The following KCND2 variants were observed in gnomAD, a reference collection of about 807,000 sequenced individuals.
The protein encoded by KCND2 is potassium voltage-gated channel subfamily D member 2.
In KCND2, 16 loss-of-function variants were observed where a neutral mutation model predicts 54.4. The ratio of observed to expected loss-of-function variants is 0.29; its 90% confidence interval spans 0.20 to 0.45. KCND2 has a LOEUF of 0.45. KCND2 is among the 20% of genes least tolerant of loss of function. The probability of loss-of-function intolerance (pLI) is 1.00; values close to 1 mark genes in which losing one functional copy is unlikely to be tolerated. For synonymous variants in KCND2, 317 were observed against 310.7 expected, an observed-to-expected ratio of 1.02 and a Z score of -0.21; for missense variants, 486 against 824.2, an observed-to-expected ratio of 0.59 and a Z score of 5.02.
intron 1 of KCND2, among the ~76,000 whole-genome samples, chr7:120,302,627 T>A (rs867847037): frequency 7.2e-5 from 11 of 152,328 alleles, no homozygotes; most frequent in Middle Eastern, 3.4e-3. Context: ...AACGATGTTT[T>A]ATATATGGTT....
intron 1 of KCND2, among the ~76,000 whole-genome samples, chr7:120,610,133 A>G (rs1374692022): frequency 6.6e-6 from 1 of 152,126 alleles, no homozygotes; most frequent in Non-Finnish European, 1.5e-5. Flanking sequence ...ATGCGTGACT[A>G]AACTATAGAA....
chr7:120,517,033 T>C (rs563572164), intron 1 of KCND2, among the ~76,000 whole-genome samples: 2 of 152,290 alleles, frequency 1.3e-5, no homozygotes, highest in African/African-American at 4.8e-5. Context: ...AATAATTTTA[T>C]GTTCAGCATG....
At chr7:120,574,677 C>T (rs1373044334) in intron 1 of KCND2, among the ~76,000 whole-genome samples, 2 of 151,964 alleles carry the variant, frequency 1.3e-5, no homozygotes, top group East Asian at 1.9e-4. Context: ...GCAGCCTGGG[C>T]GTTGGAATTT....
chr7:120,417,605 G>C (rs1801542726), intron 1 of KCND2, among the ~76,000 whole-genome samples: 2 of 152,164 alleles, frequency 1.3e-5, no homozygotes, highest in African/African-American at 4.8e-5. Context: ...ATTTAATACT[G>C]TAAGCAAGTA....
At chr7:120,509,296 C>A (rs929354456) in intron 1 of KCND2, among the ~76,000 whole-genome samples, 1 of 151,888 alleles carries the variant, frequency 6.6e-6, no homozygotes, top group African/African-American at 2.4e-5. Flanking sequence ...AATAGTCTAT[C>A]ACTATTGCTT....
chr7:120,554,763 G>T (rs1792142998), intron 1 of KCND2, among the ~76,000 whole-genome samples: 1 of 152,116 alleles, frequency 6.6e-6, no homozygotes, highest in Admixed American at 6.5e-5. Flanking sequence ...GTAGTCTGAC[G>T]ACCATACATT....
intron 1 of KCND2, among the ~76,000 whole-genome samples, chr7:120,592,163 T>C (rs898503313): frequency 1.3e-5 from 2 of 152,184 alleles, no homozygotes; most frequent in African/African-American, 4.8e-5. Flanking sequence ...AAGTGCAGGA[T>C]CCAGCCACAT....
intron 1 of KCND2, among the ~76,000 whole-genome samples, chr7:120,623,376 T>A (rs188214083): frequency 6.6e-6 from 1 of 152,240 alleles, no homozygotes; most frequent in Admixed American, 6.5e-5. Context: ...ACTTCTCTTA[T>A]GACGCTTACA....
At chr7:120,329,051 T>C (rs909069446) in intron 1 of KCND2, among the ~76,000 whole-genome samples, 4 of 151,968 alleles carry the variant, frequency 2.6e-5, no homozygotes, top group African/African-American at 9.7e-5. Flanking sequence ...CAATCTACTG[T>C]CATGGAAATA....
chr7:120,584,714 T>G (rs1792569857), intron 1 of KCND2, among the ~76,000 whole-genome samples: 1 of 152,206 alleles, frequency 6.6e-6, no homozygotes, highest in Admixed American at 6.5e-5. Context: ...TCACTATATG[T>G]GACATTCTGC....
At chr7:120,454,420 A>G in intron 1 of KCND2, among the ~76,000 whole-genome samples, 1 of 152,216 alleles carries the variant, frequency 6.6e-6, no homozygotes, top group East Asian at 1.9e-4. Context: ...GACTGCTACA[A>G]ACATCTCTGT....
intron 1 of KCND2, among the ~76,000 whole-genome samples, chr7:120,544,134 G>GA (rs1396122293): frequency 3.3e-5 from 5 of 151,778 alleles, no homozygotes; most frequent in African/African-American, 4.8e-5. Flanking sequence ...AGGCTACCAA[G>GA]AAAAAATGAA....
At chr7:120,673,230 G>C (rs1245219773) in intron 1 of KCND2, among the ~76,000 whole-genome samples, 2 of 152,082 alleles carry the variant, frequency 1.3e-5, no homozygotes, top group East Asian at 3.8e-4. Context: ...CATCCAGTCC[G>C]TGGTATTTTG....
chr7:120,591,178 T>C (rs1437667082), intron 1 of KCND2, among the ~76,000 whole-genome samples: 3 of 152,312 alleles, frequency 2.0e-5, no homozygotes, highest in South Asian at 2.1e-4. Context: ...ACCTACATAA[T>C]TTGAATTAGA....
At chr7:120,571,482 G>A (rs1354130754) in intron 1 of KCND2, among the ~76,000 whole-genome samples, 3 of 152,122 alleles carry the variant, frequency 2.0e-5, no homozygotes, top group Non-Finnish European at 4.4e-5. Flanking sequence ...CAGAAACCTT[G>A]CTTTCCCTAG....
At chr7:120,452,355 C>T (rs1802125432) in intron 1 of KCND2, among the ~76,000 whole-genome samples, 1 of 152,160 alleles carries the variant, frequency 6.6e-6, no homozygotes, top group Non-Finnish European at 1.5e-5. Context: ...ATTTAAAAGG[C>T]ACTTACACTC....
At chr7:120,438,576 G>C (rs572246088) in intron 1 of KCND2, among the ~76,000 whole-genome samples, 9 of 152,246 alleles carry the variant, frequency 5.9e-5, no homozygotes, top group African/African-American at 2.2e-4. Context: ...AAAATAATTT[G>C]ATAGGCACTA....
At chr7:120,737,646 A>G (rs1792891582) in intron 2 of KCND2, among the ~76,000 whole-genome samples, 1 of 152,078 alleles carries the variant, frequency 6.6e-6, no homozygotes, top group South Asian at 2.1e-4. Flanking sequence ...TTTTCTTAGC[A>G]AGTGAAAAGA....
intron 1 of KCND2, among the ~76,000 whole-genome samples, chr7:120,708,498 T>C (rs554743526): frequency 6.6e-6 from 1 of 152,152 alleles, no homozygotes; most frequent in Non-Finnish European, 1.5e-5. Flanking sequence ...AAATATCATC[T>C]TACAAACTAA....
Sources: allele counts gnomAD v4.1 joint callset (sites outside exome capture counted in the v4.1 genomes callset), GRCh38; gene constraint gnomAD v4.1.1; transcripts MANE v1.5; gene names NCBI Gene and HGNC (gene_info 2026-07-23, HGNC 2026-07-21).